LARGE1: variants seen among roughly 807,000 people sequenced by gnomAD.
LARGE1 encodes xylosyl- and glucuronyltransferase LARGE1.
A neutral mutation model predicts 87.6 loss-of-function variants in LARGE1; 43 were observed. That is an observed-to-expected ratio of 0.49 (90% confidence interval 0.38 to 0.63). The LOEUF (loss-of-function observed/expected upper bound fraction) is 0.63, where lower values mean the gene tolerates loss of function less well. Ranked by LOEUF, LARGE1 falls within the 30% of genes least tolerant of loss-of-function variation. The pLI, the probability that LARGE1 is intolerant of heterozygous loss-of-function variation, is 0.00. For synonymous variants in LARGE1, 434 were observed against 394.6 expected (o/e 1.10, Z -1.18); for missense variants, 802 against 1,000.2 (o/e 0.80, Z 2.67).
chr22:33,502,631 T>C (rs534162269), intron 6 of LARGE1, among the ~76,000 whole-genome samples: 65 of 152,048 alleles, frequency 4.3e-4, no homozygotes, highest in African/African-American at 1.3e-3. Context: ...TGCAGTGGCG[T>C]GATCTCGGCT....
intron 9 of LARGE1, among the ~76,000 whole-genome samples, chr22:33,347,427 A>T (rs1939888038): frequency 6.6e-6 from 1 of 152,226 alleles, no homozygotes; most frequent in African/African-American, 2.4e-5. Flanking sequence ...CATTCTCAAT[A>T]ATCCTCACAT....
At chr22:33,919,545 A>G (rs2065882911) in intron 1 of LARGE1, among the ~76,000 whole-genome samples, 1 of 152,218 alleles carries the variant, frequency 6.6e-6, no homozygotes, top group Admixed American at 6.5e-5. Flanking sequence ...TCGCCCCCAA[A>G]TTGCGCAGGA....
At chr22:33,450,560 C>A (rs2147910653) in intron 6 of LARGE1, among the ~76,000 whole-genome samples, 1 of 151,868 alleles carries the variant, frequency 6.6e-6, no homozygotes, top group East Asian at 1.9e-4. Context: ...CTGCAGTGAG[C>A]CAAGATACTG....
At chr22:33,845,568 A>C (rs909587105) in intron 1 of LARGE1, among the ~76,000 whole-genome samples, 11 of 152,138 alleles carry the variant, frequency 7.2e-5, no homozygotes, top group Non-Finnish European at 1.3e-4. Flanking sequence ...TCAGCCTCCC[A>C]AAGTGCTGGA....
At chr22:33,381,028 G>C (rs543971483) in intron 9 of LARGE1, among the ~76,000 whole-genome samples, 2 of 152,292 alleles carry the variant, frequency 1.3e-5, no homozygotes, top group Admixed American at 1.3e-4. Context: ...AGGGATATTA[G>C]CAACAATGAC....
intron 1 of LARGE1, among the ~76,000 whole-genome samples, chr22:33,894,788 C>T (rs1424042685): frequency 6.6e-6 from 1 of 152,108 alleles, no homozygotes; most frequent in Non-Finnish European, 1.5e-5. Context: ...GGCACCATGA[C>T]AGCCACCTCA....
intron 9 of LARGE1, among the ~76,000 whole-genome samples, chr22:33,349,689 A>C (rs1172587530): frequency 6.6e-6 from 1 of 152,116 alleles, no homozygotes; most frequent in Non-Finnish European, 1.5e-5. Context: ...AGGTACTGCT[A>C]TTAAATAAAA....
the LARGE1 span, among the ~76,000 whole-genome samples, chr22:33,079,509 G>A: frequency 6.6e-6 from 1 of 151,990 alleles, no homozygotes; most frequent in African/African-American, 2.4e-5. Flanking sequence ...TTGCAGGCGT[G>A]AGCCACCACA....
chr22:33,825,987 C>T (rs1003079066), intron 1 of LARGE1, among the ~76,000 whole-genome samples: 1 of 152,132 alleles, frequency 6.6e-6, no homozygotes, highest in Admixed American at 6.5e-5. Flanking sequence ...TACATCCTGC[C>T]AGGAACCTCA....
chr22:33,453,673 C>T (rs568126018), intron 6 of LARGE1, among the ~76,000 whole-genome samples: 1 of 152,242 alleles, frequency 6.6e-6, no homozygotes, highest in Admixed American at 6.5e-5. Context: ...CTGTCTGTGT[C>T]CATCTGTCTT....
chr22:33,435,376 C>T (rs2067231305), intron 6 of LARGE1, among the ~76,000 whole-genome samples: 1 of 152,174 alleles, frequency 6.6e-6, no homozygotes, highest in African/African-American at 2.4e-5. Context: ...CACCCACAGA[C>T]CTCATTTATA....
At chr22:33,317,240 A>G (rs1238088549) in intron 10 of LARGE1, among the ~76,000 whole-genome samples, 2 of 152,104 alleles carry the variant, frequency 1.3e-5, no homozygotes, top group Non-Finnish European at 2.9e-5. Flanking sequence ...CAAACAAAAA[A>G]CAAATAAAAC....
At chr22:33,142,654 A>G in the LARGE1 span, among the ~76,000 whole-genome samples, 3 of 123,000 alleles carry the variant, frequency 2.4e-5, no homozygotes, top group Non-Finnish European at 3.7e-5. Context: ...ACAGTTTTGA[A>G]TAAATACTCA....
chr22:33,731,197 G>GT (rs1173670999), intron 2 of LARGE1, among the ~76,000 whole-genome samples: 1 of 151,186 alleles, frequency 6.6e-6, no homozygotes, highest in East Asian at 2.0e-4. Context: ...TAGAGACGGG[G>GT]TTTCACCATG....
intron 1 of LARGE1, among the ~76,000 whole-genome samples, chr22:33,845,325 T>C (rs1430685569): frequency 6.6e-6 from 1 of 152,160 alleles, no homozygotes; most frequent in East Asian, 1.9e-4. Context: ...TTTTAGTTTT[T>C]GAGACAGAGT....
At chr22:33,690,291 T>G (rs1230918269) in intron 2 of LARGE1, among the ~76,000 whole-genome samples, 1 of 152,336 alleles carries the variant, frequency 6.6e-6, no homozygotes, top group East Asian at 1.9e-4. Context: ...TTCTTAGACC[T>G]CAGTTTCCTC....
chr22:33,754,100 C>G (rs2084419423), intron 2 of LARGE1, among the ~76,000 whole-genome samples: 1 of 151,976 alleles, frequency 6.6e-6, no homozygotes, highest in Admixed American at 6.6e-5. Flanking sequence ...ATCTTTGTAA[C>G]CATCTCACAA....
intron 3 of LARGE1, among the ~76,000 whole-genome samples, chr22:33,629,442 A>G (rs1009565391): frequency 6.6e-6 from 1 of 152,184 alleles, no homozygotes; most frequent in African/African-American, 2.4e-5. Flanking sequence ...CAATCTCTTT[A>G]GTTTCATCGA....
intron 6 of LARGE1, among the ~76,000 whole-genome samples, chr22:33,478,916 T>TA (rs1445744316): frequency 1.3e-5 from 2 of 152,182 alleles, no homozygotes; most frequent in Non-Finnish European, 2.9e-5. Flanking sequence ...CCGGGGGACT[T>TA]AGACCTTCCA....
Sources: allele counts gnomAD v4.1 joint callset (sites outside exome capture counted in the v4.1 genomes callset), GRCh38; gene constraint gnomAD v4.1.1; transcripts MANE v1.5; gene names NCBI Gene and HGNC (gene_info 2026-07-23, HGNC 2026-07-21).